Variants in UNC5D observed in about 807,000 individuals in gnomAD.
UNC5D encodes the protein netrin receptor UNC5D.
A neutral mutation model predicts 105.4 loss-of-function variants in UNC5D; 39 were observed. The observed-to-expected ratio is 0.37, with a 90% CI of 0.29 to 0.48. The LOEUF (loss-of-function observed/expected upper bound fraction) is 0.48. UNC5D is among the 20% of genes least tolerant of loss of function. The probability of loss-of-function intolerance (pLI) is 0.98; values close to 1 mark genes in which losing one functional copy is unlikely to be tolerated. For missense variants in UNC5D, 991 were observed against 1,202.4 expected, an observed-to-expected ratio of 0.82 and a Z score of 2.60; for synonymous variants, 452 against 450.4, an observed-to-expected ratio of 1.00 and a Z score of -0.04.
chr8:35,409,005 G>A (rs1804984110), intron 1 of UNC5D, among the ~76,000 whole-genome samples: 1 of 152,058 alleles, frequency 6.6e-6, no homozygotes, highest in South Asian at 2.1e-4. Flanking sequence ...ATTTTCTAAA[G>A]TATCTTATAA....
At chr8:35,258,644 TTTA>T (rs1339391046) in intron 1 of UNC5D, among the ~76,000 whole-genome samples, 1 of 152,112 alleles carries the variant, frequency 6.6e-6, no homozygotes. Flanking sequence ...TTTATCTACA[TTTA>T]TTATTAATAC....
At chr8:35,554,818 G>C (rs1475627006) in intron 2 of UNC5D, among the ~76,000 whole-genome samples, 2 of 152,146 alleles carry the variant, frequency 1.3e-5, no homozygotes, top group Admixed American at 6.5e-5. Flanking sequence ...TTATGAGAAA[G>C]TCTCAACTCT....
intron 9 of UNC5D, among the ~76,000 whole-genome samples, chr8:35,725,688 T>C (rs1302145816): frequency 2.0e-5 from 3 of 152,170 alleles, no homozygotes; most frequent in Admixed American, 1.3e-4. Context: ...GCTTCTGTTA[T>C]AAACAGCACT....
chr8:35,587,993 T>TATATAC (rs1376973554), intron 3 of UNC5D, among the ~76,000 whole-genome samples: 1 of 141,200 alleles, frequency 7.1e-6, no homozygotes, highest in Non-Finnish European at 1.5e-5. Context: ...TATATATATA[T>TATATAC]ACTAATCCCA....
chr8:35,390,853 C>T (rs928738376), intron 1 of UNC5D, among the ~76,000 whole-genome samples: 7 of 152,120 alleles, frequency 4.6e-5, no homozygotes, highest in African/African-American at 1.7e-4. Context: ...AAAGAGTGTA[C>T]CATGTATTCT....
rs1817494817 is a variant in UNC5D, at chr8:35,568,322, C to T, written c.466+81C>T. The T allele has an allele frequency of 2.5e-5, 37 of 1,508,930 alleles. No individual in the cohort carries two copies. In the South Asian group the frequency reaches 4.7e-4, roughly 19 times the overall value. 93.5% of individuals were successfully genotyped at this position (1,508,930 alleles called of 1,614,324 possible). ...AGCTGAAGAGAGGTTTTACAGATGTCAGATGCTTCTACAGAATGTAAATGA... is the reference window on the plus strand; with the variant it reads ...AGCTGAAGAGAGGTTTTACAGATGTTAGATGCTTCTACAGAATGTAAATGA... On this transcript the variant is annotated intron_variant, in intron 3 of 16. Transcript: ENST00000404895.
At chr8:35,779,060 G>A (rs1488010454) in intron 16 of UNC5D, among the ~76,000 whole-genome samples, 1 of 152,182 alleles carries the variant, frequency 6.6e-6, no homozygotes, top group Non-Finnish European at 1.5e-5. Flanking sequence ...GATTCTGTGA[G>A]CAAACTTTGA....
intron 4 of UNC5D, among the ~76,000 whole-genome samples, chr8:35,680,885 A>T (rs753035844): frequency 6.6e-6 from 1 of 152,208 alleles, no homozygotes; most frequent in Non-Finnish European, 1.5e-5. Flanking sequence ...GGAACATAGG[A>T]GAAGTGCTTG....
At chr8:35,329,013 AT>A (rs1240344972) in intron 1 of UNC5D, among the ~76,000 whole-genome samples, 1 of 152,142 alleles carries the variant, frequency 6.6e-6, no homozygotes, top group East Asian at 1.9e-4. Flanking sequence ...TGAGATACTG[AT>A]GAATGAGTTT....
chr8:35,634,507 A>T (rs1426334908), intron 4 of UNC5D, among the ~76,000 whole-genome samples: 2 of 152,112 alleles, frequency 1.3e-5, no homozygotes, highest in Non-Finnish European at 2.9e-5. Flanking sequence ...TTGTGAATTC[A>T]TTTCCTGGGC....
At chr8:35,740,900 G>T (rs138488599) in intron 11 of UNC5D, among the ~76,000 whole-genome samples, 7 of 152,214 alleles carry the variant, frequency 4.6e-5, no homozygotes, top group African/African-American at 1.7e-4. Context: ...CTGTGAAATA[G>T]GTTTCAGATT....
At chr8:35,767,178 C>A in intron 15 of UNC5D, 112 bp downstream of exon 15, 2 of 1,249,874 alleles carry the variant, frequency 1.6e-6, no homozygotes, top group South Asian at 1.6e-5. Context: ...TCAAAATGCA[C>A]AAACTCTTCA....
intron 4 of UNC5D, among the ~76,000 whole-genome samples, chr8:35,624,252 C>T (rs1473577774): frequency 3.3e-5 from 5 of 152,142 alleles, no homozygotes; most frequent in African/African-American, 1.2e-4. Context: ...TGCTGTATGG[C>T]GTATATAGTG....
At chr8:35,731,982 C>T (rs1450700791) in intron 11 of UNC5D, among the ~76,000 whole-genome samples, 13 of 152,098 alleles carry the variant, frequency 8.5e-5, no homozygotes, top group Admixed American at 7.9e-4. Context: ...TTTCTTAGTG[C>T]AAGTATAATA....
chr8:35,430,734 T>C (rs1346483060), intron 1 of UNC5D, among the ~76,000 whole-genome samples: 4 of 152,182 alleles, frequency 2.6e-5, no homozygotes, highest in Non-Finnish European at 5.9e-5. Context: ...CACAGAATTA[T>C]TCTGTGTTGC....
chr8:35,354,559 C>T (rs1296697531), intron 1 of UNC5D, among the ~76,000 whole-genome samples: 5 of 152,038 alleles, frequency 3.3e-5, no homozygotes, highest in African/African-American at 1.2e-4. Flanking sequence ...TTGATCCGAC[C>T]TCTTTCTTGT....
chr8:35,488,758 T>C (rs1361969244), intron 1 of UNC5D, among the ~76,000 whole-genome samples: 1 of 152,178 alleles, frequency 6.6e-6, no homozygotes, highest in East Asian at 1.9e-4. Flanking sequence ...CCATTATATT[T>C]TGGAAGCAGA....
At chr8:35,726,577 C>T (rs1017773640) in intron 10 of UNC5D, 48 bp downstream of exon 10, 4 of 1,581,334 alleles carry the variant, frequency 2.5e-6, no homozygotes, top group Non-Finnish European at 3.4e-6. Context: ...TTAAATGTTT[C>T]ATTTTTACAC....
intron 3 of UNC5D, among the ~76,000 whole-genome samples, chr8:35,591,583 A>C (rs1819178030): frequency 6.6e-6 from 1 of 152,026 alleles, no homozygotes; most frequent in Admixed American, 6.6e-5. Context: ...GTGTCCTTTT[A>C]AAATTCCTAT....
Sources: gnomAD v4.1 joint callset for allele counts (sites outside exome capture counted in the v4.1 genomes callset) on GRCh38, gnomAD v4.1.1 for gene constraint, MANE v1.5 for transcripts, NCBI Gene and HGNC (gene_info 2026-07-23, HGNC 2026-07-21) for gene names.